PHACTR3: variants seen among roughly 807,000 people sequenced by gnomAD.
PHACTR3 encodes the protein protein phosphatase 1, regulatory subunit 123.
Under a neutral mutation model 66.8 loss-of-function variants are expected in PHACTR3, and 16 were observed. The ratio of observed to expected loss-of-function variants is 0.24; its 90% confidence interval spans 0.16 to 0.36. The LOEUF is 0.36. Among genes scored for constraint, PHACTR3 ranks in the 10% least tolerant of loss-of-function variants. PHACTR3 has a pLI of 1.00. For synonymous variants in PHACTR3, 323 were observed against 292.1 expected (o/e 1.11, Z -1.08); for missense variants, 647 against 719.9 (o/e 0.90, Z 1.16).
At chr20:59,658,821 T>G (rs1271785877) in intron 1 of PHACTR3, among the ~76,000 whole-genome samples, 1 of 152,210 alleles carries the variant, frequency 6.6e-6, no homozygotes, top group Non-Finnish European at 1.5e-5. Flanking sequence ...GGTCAGTCTT[T>G]GAGGTTTGAC....
chr20:59,777,884 G>A (rs2040591335), intron 7 of PHACTR3, among the ~76,000 whole-genome samples: 1 of 152,044 alleles, frequency 6.6e-6, no homozygotes, highest in African/African-American at 2.4e-5. Flanking sequence ...TGAGCTCCAG[G>A]GTGTCTCTGT....
At chr20:59,722,498 C>A (rs1331483764) in intron 1 of PHACTR3, among the ~76,000 whole-genome samples, 1 of 152,104 alleles carries the variant, frequency 6.6e-6, no homozygotes, top group Non-Finnish European at 1.5e-5. Context: ...GGAGAAGGCA[C>A]CAAGTGAGGC....
At chr20:59,679,833 G>C (rs1171299974) in intron 1 of PHACTR3, among the ~76,000 whole-genome samples, 1 of 152,084 alleles carries the variant, frequency 6.6e-6, no homozygotes, top group Non-Finnish European at 1.5e-5. Flanking sequence ...AACAGTATGG[G>C]GGAGACTGCC....
chr20:59,635,520 C>A lies in PHACTR3; in HGVS notation c.118+30388C>A, dbSNP rs537633034. On this transcript the variant is annotated intron_variant, in intron 1 of 12. Transcript: ENST00000371015. The stretch of plus-strand genomic sequence containing the variant: ...AAGTGCTGGGATTACAGGCATGTGC[C>A]ATCGTGCCCGGCCTGCTCCTTGCTT... 3.9e-5 allele frequency among the ~76,000 whole-genome samples: 6 copies of A among 152,032 alleles called. No individual in the cohort carries two copies. The East Asian group carries it at 1.2e-3, about 30-fold the overall frequency.
At chr20:59,778,148 G>T (rs1373450682) in intron 7 of PHACTR3, among the ~76,000 whole-genome samples, 1 of 152,154 alleles carries the variant, frequency 6.6e-6, no homozygotes, top group Non-Finnish European at 1.5e-5. Context: ...CTCCTGCCTG[G>T]ACTTGGCCTC....
chr20:59,759,575 C>A (rs146133930), intron 4 of PHACTR3, among the ~76,000 whole-genome samples: 1 of 152,286 alleles, frequency 6.6e-6, no homozygotes, highest in Non-Finnish European at 1.5e-5. Flanking sequence ...CTGACTTAAT[C>A]TTCTGCTTTG....
intron 7 of PHACTR3, among the ~76,000 whole-genome samples, chr20:59,792,953 C>A (rs1474572159): frequency 3.3e-5 from 5 of 152,162 alleles, no homozygotes; most frequent in African/African-American, 1.2e-4. Flanking sequence ...GGTATAACCA[C>A]AGCTCACTGA....
intron 1 of PHACTR3, among the ~76,000 whole-genome samples, chr20:59,595,554 C>A (rs2033303776): frequency 6.6e-6 from 1 of 152,178 alleles, no homozygotes; most frequent in Non-Finnish European, 1.5e-5. Context: ...AATGGGTATT[C>A]TACTGTTGTT....
intron 1 of PHACTR3, among the ~76,000 whole-genome samples, chr20:59,608,386 A>G (rs1179761244): frequency 2.6e-5 from 4 of 152,188 alleles, no homozygotes; most frequent in African/African-American, 9.6e-5. Flanking sequence ...ACCCGTGAGC[A>G]TGGTTAGGTG....
At chr20:59,723,915 G>T (rs768470277) in intron 1 of PHACTR3, among the ~76,000 whole-genome samples, 1 of 152,056 alleles carries the variant, frequency 6.6e-6, no homozygotes, top group Non-Finnish European at 1.5e-5. Flanking sequence ...ATGGTGACTC[G>T]ATGTTGAATT....
At chr20:59,749,436 A>T (rs1199854823) in intron 3 of PHACTR3, among the ~76,000 whole-genome samples, 2 of 152,230 alleles carry the variant, frequency 1.3e-5, no homozygotes, top group Non-Finnish European at 2.9e-5. Context: ...AATTTTTGCA[A>T]GATGACTTTG....
intron 8 of PHACTR3, among the ~76,000 whole-genome samples, chr20:59,817,264 G>A (rs1352979861): frequency 3.3e-5 from 5 of 152,200 alleles, no homozygotes; most frequent in African/African-American, 1.2e-4. Context: ...TTGGAGACTG[G>A]TTCTGTGCTG....
intron 1 of PHACTR3, among the ~76,000 whole-genome samples, chr20:59,658,267 T>G (rs2035690791): frequency 6.6e-6 from 1 of 152,152 alleles, no homozygotes; most frequent in Non-Finnish European, 1.5e-5. Flanking sequence ...TTATAATAGT[T>G]ACTTTGAAAT....
rs1386158126 is a variant in PHACTR3, at chr20:59,830,650, GAAT to G, written c.1329-5850_1329-5848del. On this transcript the variant is annotated intron_variant, in intron 8 of 12. Transcript: ENST00000371015. The surrounding 1 kb of genome is among the most constrained non-coding windows in gnomAD (Gnocchi z 5.8). ...GAGACCTGGGCTCAGCACGCCAGGTGAATAATATCAGTGCTATAGTAGTAATGA... is the reference window on the plus strand; with the variant it reads ...GAGACCTGGGCTCAGCACGCCAGGTGAATATCAGTGCTATAGTAGTAATGA... Among the ~76,000 whole-genome samples the G allele has an allele frequency of 2.6e-5, 4 of 152,168 alleles. No individual in the cohort carries two copies. The highest frequency in any genetic ancestry group is 5.9e-5 in the Non-Finnish European group (4 of 68,028).
At chr20:59,587,131 G>T (rs570239624) in intron 1 of PHACTR3, among the ~76,000 whole-genome samples, 196 of 152,336 alleles carry the variant, frequency 1.3e-3, no homozygotes, top group African/African-American at 4.4e-3. Flanking sequence ...TAGGTGGGAT[G>T]TGGTGCCCCA....
At chr20:59,677,087 C>T (rs1427340577) in intron 1 of PHACTR3, among the ~76,000 whole-genome samples, 2 of 152,164 alleles carry the variant, frequency 1.3e-5, no homozygotes, top group African/African-American at 2.4e-5. Context: ...TAACCTATTA[C>T]TTCTGGGCTA....
chr20:59,659,343 G>A (rs962569726), intron 1 of PHACTR3, among the ~76,000 whole-genome samples: 18 of 145,514 alleles, frequency 1.2e-4, no homozygotes, highest in South Asian at 2.2e-4. Flanking sequence ...TGAGTCAGTC[G>A]TACCTGTAGA....
At chr20:59,704,264 G>A (rs2037615176) in intron 1 of PHACTR3, among the ~76,000 whole-genome samples, 1 of 152,102 alleles carries the variant, frequency 6.6e-6, no homozygotes, top group South Asian at 2.1e-4. Context: ...GTTGTCCCTA[G>A]TTTCTTAGTA....
chr20:59,706,518 C>G (rs1479321740), intron 1 of PHACTR3, among the ~76,000 whole-genome samples: 1 of 152,216 alleles, frequency 6.6e-6, no homozygotes, highest in Admixed American at 6.5e-5. Flanking sequence ...AACCCACCAC[C>G]CAGAGAACAG....
Sources: gnomAD v4.1 joint callset for allele counts (sites outside exome capture counted in the v4.1 genomes callset) on GRCh38, gnomAD v4.1.1 for gene constraint, Gnocchi (gnomAD v3.1) non-coding constraint, MANE v1.5 for transcripts, NCBI Gene and HGNC (gene_info 2026-07-23, HGNC 2026-07-21) for gene names.